MYOT: variants seen among roughly 807,000 people sequenced by gnomAD.
MYOT encodes 57 kDa cytoskeletal protein.
A neutral mutation model predicts 58.0 loss-of-function variants in MYOT; 36 were observed. The observed-to-expected ratio is 0.62, with a 90% CI of 0.48 to 0.82. MYOT has a LOEUF of 0.82. Among genes scored for constraint, MYOT ranks in the 40% least tolerant of loss-of-function variants. The probability of loss-of-function intolerance (pLI) is 0.00; values close to 1 mark genes in which losing one functional copy is unlikely to be tolerated. For synonymous variants in MYOT, 218 were observed against 204.6 expected, an observed-to-expected ratio of 1.07 and a Z score of -0.56; for missense variants, 505 against 592.1, an observed-to-expected ratio of 0.85 and a Z score of 1.53.
At chr5:137,879,688 C>CTTTTTTTTTT (rs1187720466) in intron 4 of MYOT, among the ~76,000 whole-genome samples, 87 of 94,506 alleles carry the variant, frequency 9.2e-4, no homozygotes, top group East Asian at 1.4e-3. Flanking sequence ...CCACACCCGG[C>CTTTTTTTTTT]TTTTTTTTTT....
At chr5:137,870,348 GGAAAA>G (rs1019723105) in intron 1 of MYOT, 88 bp from the exon 2 acceptor site, 1 of 434,828 alleles carries the variant, frequency 2.3e-6, no homozygotes, top group African/African-American at 2.1e-5. Flanking sequence ...AGGAAAGAAA[GGAAAA>G]GAAAAAGCAC....
Position 137,883,597 on chromosome 5 carries a change from C to G in MYOT, c.1024+6C>G. The G allele has an allele frequency of 6.2e-7, 1 of 1,612,690 alleles. No individual in the cohort carries two copies. The highest frequency in any genetic ancestry group is 8.5e-7 in the Non-Finnish European group (1 of 1,178,768). On this transcript the variant is annotated splice_donor_region_variant and intron_variant, in intron 7 of 9. Coordinates refer to ENST00000239926, the MANE Select transcript of MYOT (RefSeq NM_006790.3). ...TGTGCAGCTGGATGTCCTTGGTAAG[C>G]CTCCAAAGAGACCCTTGAGAATTCC...
In MYOT at chr5:137,886,948, A is replaced by T. The variant is rs140678912; in HGVS notation, c.1275A>T (p.Ala425=). 11 of 1,613,018 alleles carry T rather than the reference A, an allele frequency of 6.8e-6. No individual in the cohort carries two copies. In the African/African-American group the frequency reaches 1.5e-4, roughly 22 times the overall value. The change falls in exon 9 of 10, where the codon GCA becomes GCT. Residue 425 remains alanine, a synonymous_variant. Coordinates refer to ENST00000239926, the MANE Select transcript of MYOT (RefSeq NM_006790.3). ...KKDAGWYTVS[A]VNEAGVTTCN... is the part of the protein sequence containing the mutation. ...ATGCTGGGTGGTATACTGTGTCAGC[A>T]GTTAATGAAGCTGGAGTGACTACAT... is the stretch of plus-strand genomic sequence containing the variant.
intron 4 of MYOT, among the ~76,000 whole-genome samples, chr5:137,879,146 G>A (rs751640376): frequency 6.6e-6 from 1 of 152,082 alleles, no homozygotes; most frequent in East Asian, 1.9e-4. Context: ...ATGTTACCCA[G>A]GCTGGTCTCA....
chr5:137,885,358 A>G (rs995703164), intron 7 of MYOT, among the ~76,000 whole-genome samples: 18 of 152,188 alleles, frequency 1.2e-4, no homozygotes, highest in African/African-American at 4.1e-4. Flanking sequence ...CAGAGAAACT[A>G]AACAAAATTT....
Position 137,887,277 on chromosome 5 carries a change from T to A in MYOT, c.1389T>A (p.Tyr463Ter), listed in dbSNP as rs1329816481. 2 of 1,614,036 alleles carry A rather than the reference T, an allele frequency of 1.2e-6. No individual in the cohort carries two copies. Among genetic ancestry groups the A allele is most frequent in the Admixed American group, 3.3e-5 (2 of 60,018 alleles). Residue 463 changes from tyrosine (Y) to a stop codon, truncating the protein, a stop_gained, in exon 10 of 10, where the codon TAT becomes TAA. Coordinates refer to ENST00000239926, the MANE Select transcript of MYOT (RefSeq NM_006790.3). LOFTEE classifies it high-confidence loss of function. ...GGGTTCGACCAACATTCAGCAAATA[T>A]TTAGCACTTAATGGGAAAGGTTTGA... ...QLRVRPTFSK[Y>*]LALNGKGLNV...
Position 137,870,727 on chromosome 5 carries a change from C to T in MYOT, c.76C>T (p.Pro26Ser), listed in dbSNP as rs968947514. 9 of 1,614,100 alleles carry T rather than the reference C, an allele frequency of 5.6e-6. No individual in the cohort carries two copies. The African/African-American group carries it at 1.1e-4, about 19-fold the overall frequency. The change falls in exon 2 of 10, where the codon CCA becomes TCA. Residue 26 changes from proline (P) to serine (S), a missense_variant. Transcript: ENST00000239926. The stretch of plus-strand genomic sequence containing the variant: ...TGGCTCCAGATTGCAGCCTCCTGGA[C>T]CAGAAACCTCCAGCTTCTCTAGCCA... ...PCGSRLQPPG[P>S]ETSSFSSQTK...
chr5:137,873,269 G>A (rs929584027), intron 2 of MYOT, among the ~76,000 whole-genome samples: 11 of 151,264 alleles, frequency 7.3e-5, no homozygotes, highest in South Asian at 4.2e-4. Context: ...GCTCACACCT[G>A]TAATCCCAGC....
intron 1 of MYOT, 78 bp from the exon 2 acceptor site, chr5:137,870,363 C>T: frequency 2.0e-6 from 1 of 491,720 alleles, no homozygotes; most frequent in South Asian, 2.1e-5. Flanking sequence ...AGAAAAAGCA[C>T]ATCAGATCTG....
chr5:137,884,506 A>C (rs1209464481), intron 7 of MYOT, among the ~76,000 whole-genome samples: 1 of 152,222 alleles, frequency 6.6e-6, no homozygotes, highest in Non-Finnish European at 1.5e-5. Context: ...ATCTGTCTTA[A>C]GTAGAGCAGT....
chr5:137,887,517 A>G lies in MYOT; in HGVS notation c.*132A>G. Reference sequence around the variant, plus strand: ...TAGGTAATATAGTTAATATATATTTATAATATTATTTATCCTTTGACTCTT... The same window carrying G: ...TAGGTAATATAGTTAATATATATTTGTAATATTATTTATCCTTTGACTCTT... On this transcript the variant is annotated 3_prime_UTR_variant, in exon 10 of 10. Transcript: ENST00000239926. 2 of 624,790 alleles carry G rather than the reference A, an allele frequency of 3.2e-6. No homozygotes were observed. Among genetic ancestry groups the G allele is most frequent in the Non-Finnish European group, 4.8e-6 (2 of 419,116 alleles). The allele number at this position is 624,790 out of a possible 1,614,324, so 38.7% of individuals were successfully genotyped here.
chr5:137,882,175 T>C, intron 6 of MYOT, 70 bp downstream of exon 6: 1 of 1,540,022 alleles, frequency 6.5e-7, no homozygotes, highest in Non-Finnish European at 9.0e-7. Flanking sequence ...AAATGTTCTT[T>C]TCCTACTTCA....
At chr5:137,885,771 C>CAAAAAAAAAAAAAAAAAAAAAAAAAAAA (rs71583286) in intron 7 of MYOT, among the ~76,000 whole-genome samples, 1 of 30,974 alleles carries the variant, frequency 3.2e-5, no homozygotes. Context: ...GACTCTGTCT[C>CAAAAAAAAAAAAAAAAAAAAAAAAAAAA]AAAAAAAAAA....
intron 2 of MYOT, among the ~76,000 whole-genome samples, chr5:137,874,569 C>T (rs1755151717): frequency 6.6e-6 from 1 of 152,166 alleles, no homozygotes; most frequent in East Asian, 1.9e-4. Context: ...ATTTAAGCTA[C>T]CTAACAGATC....
intron 1 of MYOT, among the ~76,000 whole-genome samples, chr5:137,869,397 A>G (rs938826727): frequency 6.6e-6 from 1 of 152,100 alleles, no homozygotes; most frequent in African/African-American, 2.4e-5. Flanking sequence ...ATACTAATGG[A>G]AAAAAAATCA....
rs1172581967 is a variant in MYOT, at chr5:137,870,950, T to C, written c.299T>C (p.Ile100Thr). 9 of 1,614,210 alleles carry C rather than the reference T, an allele frequency of 5.6e-6. No homozygotes were observed. In the South Asian group the frequency reaches 8.8e-5, roughly 16 times the overall value. ...TCCCCAGCCAGCTTCCTCAGCTCCA[T>C]ATTACCATCACAGCCTGATTACAAT... ...NQSPASFLSS[I>T]LPSQPDYNSS... is the part of the protein sequence containing the mutation. The change falls in exon 2 of 10, where the codon ATA (isoleucine) becomes ACA (threonine). Residue 100 changes from isoleucine to threonine, a missense_variant. Physicochemically the swap from Ile to Thr is moderately conservative, Grantham distance 89 (BLOSUM62 -1). Transcript: ENST00000239926.
chr5:137,876,168 C>T (rs1314436765), intron 3 of MYOT, 165 bp downstream of exon 3: 1 of 701,196 alleles, frequency 1.4e-6, no homozygotes, highest in African/African-American at 1.8e-5. Context: ...TGCATGAAAT[C>T]ACCTCTTGGT....
At chr5:137,877,467 T>C (rs1188024172) in intron 3 of MYOT, 53 bp from the exon 4 acceptor site, 1 of 1,249,508 alleles carries the variant, frequency 8.0e-7, no homozygotes, top group African/African-American at 1.5e-5. Context: ...AAGGTAAACC[T>C]GTACAAACAT....
chr5:137,881,790 G>C (rs139831304), intron 5 of MYOT, among the ~76,000 whole-genome samples, 183 bp from the exon 6 acceptor site: 1 of 151,990 alleles, frequency 6.6e-6, no homozygotes. Context: ...TCCGCCTCCC[G>C]GGTTCAAGCG....
Sources: allele counts gnomAD v4.1 joint callset (sites outside exome capture counted in the v4.1 genomes callset), GRCh38; gene constraint gnomAD v4.1.1; transcripts MANE v1.5; gene names NCBI Gene and HGNC (gene_info 2026-07-23, HGNC 2026-07-21).